Variants in STARD9 observed in about 807,000 individuals in gnomAD.
STARD9 encodes stAR-related lipid transfer protein 9.
In STARD9, 346 loss-of-function variants were observed where a neutral mutation model predicts 399.8. That is an observed-to-expected ratio of 0.87 (90% CI 0.79 to 0.95). The LOEUF is 0.95. Ranked by LOEUF, STARD9 falls within the 40% of genes least tolerant of loss-of-function variation. The pLI is 0.00. For missense variants in STARD9, 5,832 were observed against 5,667.5 expected (o/e 1.03, Z -0.93); for synonymous variants, 2,203 against 2,143.5 (o/e 1.03, Z -0.77).
At chr15:42,641,509 T>TC (rs1236516879) in intron 7 of STARD9, among the ~76,000 whole-genome samples, 2 of 134,720 alleles carry the variant, frequency 1.5e-5, no homozygotes, top group African/African-American at 5.4e-5. Context: ...ATGCTTTCCC[T>TC]CCCCCCACCC....
In STARD9 at chr15:42,716,538, C is replaced by T. The variant is rs114129956; in HGVS notation, c.13285-139C>T. 979 of 619,718 alleles carry T rather than the reference C, an allele frequency of 1.6e-3. 7 individuals are homozygous for T. In the African/African-American group the frequency reaches 0.017, roughly 11 times the overall value. 38.4% of individuals were successfully genotyped at this position (619,718 alleles called of 1,614,324 possible). A position where few individuals can be genotyped will look rare whatever the true frequency, so the allele number is the denominator to read the frequency against. On this transcript the variant is annotated intron_variant, in intron 26 of 32. Coordinates refer to ENST00000290607, the MANE Select transcript of STARD9 (RefSeq NM_020759.3). ...TGCTGTGGTCTTCTTTGGGGGACATCGAGCCTCTTGTATTCCCATCTGGGA... is the reference window on the plus strand; with the variant it reads ...TGCTGTGGTCTTCTTTGGGGGACATTGAGCCTCTTGTATTCCCATCTGGGA...
intron 3 of STARD9, among the ~76,000 whole-genome samples, chr15:42,607,863 C>A (rs1042305961): frequency 6.6e-6 from 1 of 152,000 alleles, no homozygotes; most frequent in Admixed American, 6.6e-5. Context: ...TTTGTCAGCT[C>A]CGTTAGGATT....
chr15:42,685,869 C>A lies in STARD9; in HGVS notation c.4291C>A (p.Leu1431Ile), dbSNP rs1210836626. The A allele has an allele frequency of 2.6e-6, 4 of 1,537,000 alleles. No individual in the cohort carries two copies. The highest frequency in any genetic ancestry group is 3.5e-6 in the Non-Finnish European group (4 of 1,146,926). ...GCTGTCTCTCTGGGGAATTCAAAGGCTTATTCAACCAGGAGCTGATGGCAC... is the reference window on the plus strand; with the variant it reads ...GCTGTCTCTCTGGGGAATTCAAAGGATTATTCAACCAGGAGCTGATGGCAC... ...SRLSLWGIQR[L>I]IQPGADGTFQ... Residue 1431 changes from leucine to isoleucine, a missense_variant, in exon 23 of 33, where the codon CTT (leucine) becomes ATT (isoleucine). Coordinates refer to ENST00000290607, the MANE Select transcript of STARD9 (RefSeq NM_020759.3).
chr15:42,695,954 C>G, intron 26 of STARD9, 74 bp downstream of exon 26: 1 of 1,453,110 alleles, frequency 6.9e-7, no homozygotes, highest in Admixed American at 2.4e-5. Flanking sequence ...GACGCTGTGC[C>G]TCCTGGAGTT....
chr15:42,675,727 TC>T lies in STARD9; in HGVS notation c.1753del (p.Leu585CysfsTer73). 1 of 1,537,110 alleles carries T rather than the reference TC, an allele frequency of 6.5e-7. No individual in the cohort carries two copies. The highest frequency in any genetic ancestry group is 8.7e-7 in the Non-Finnish European group (1 of 1,146,778). ...FRFNHPAEAAVLRQRRQVGEA... is the reference protein window; with the variant it reads ...FRFNHPAEAAXLRQRRQVGEA... ...TTCAACCACCCAGCAGAGGCTGCTG[TC>T]CTGCGGCAGCGAAGGCAGGTTAGCA... On this transcript the variant is annotated frameshift_variant, in exon 19 of 33. Transcript: ENST00000290607. LOFTEE classifies it high-confidence loss of function.
At chr15:42,674,360 A>C in intron 16 of STARD9, 80 bp from the exon 17 acceptor site, 1 of 1,118,026 alleles carries the variant, frequency 8.9e-7, no homozygotes, top group Non-Finnish European at 1.3e-6. Context: ...GACAGTGAGA[A>C]TATTCTAATG....
rs1207465294 is a variant in STARD9 at position 42,694,688 on chromosome 15, C to T, written c.12925C>T (p.Leu4309=). 6.5e-7 allele frequency: 1 copy of T among 1,537,182 alleles called. No individual in the cohort carries two copies. Among genetic ancestry groups the T allele is most frequent in the Admixed American group, 2.0e-5 (1 of 50,992 alleles). Residue 4309 remains leucine, a synonymous_variant, in exon 24 of 33, where the codon CTG becomes TTG. Coordinates refer to ENST00000290607, the MANE Select transcript of STARD9 (RefSeq NM_020759.3). ...CTTGCCCAGCAGACGCCGAGAATAC[C>T]TGCAGCAACTGAGGAAGGATGTTGT... ...LDLPSRRREY[L]QQLRKDVVET...
intron 26 of STARD9, among the ~76,000 whole-genome samples, chr15:42,699,548 C>T (rs1327150471): frequency 2.6e-5 from 4 of 151,502 alleles, no homozygotes; most frequent in Non-Finnish European, 4.4e-5. Flanking sequence ...TGCCCGCCAC[C>T]ACGCCCAGCT....
At chr15:42,669,466 G>A in intron 16 of STARD9, 129 bp downstream of exon 16, 1 of 849,972 alleles carries the variant, frequency 1.2e-6, no homozygotes, top group Non-Finnish European at 1.7e-6. Context: ...CTGCCTTCAG[G>A]TTTGCTCTCA....
In STARD9 at chr15:42,689,508, G is replaced by A. The variant is rs1438393735; in HGVS notation, c.7930G>A (p.Ala2644Thr). Residue 2644 changes from alanine (A) to threonine (T), a missense_variant, in exon 23 of 33, where the codon GCA becomes ACA. Physicochemically the swap from Ala to Thr is moderately conservative, Grantham distance 58 (BLOSUM62 0). Around this residue, in one of 2 missense-constraint regions of STARD9, gnomAD observed 5,828 missense variants for 5,651.1 expected, o/e 1.03. Coordinates refer to ENST00000290607, the MANE Select transcript of STARD9 (RefSeq NM_020759.3). ...ERKVQATSLS[A>T]DSFESLPNTE... The stretch of plus-strand genomic sequence containing the variant: ...GAAAGTCCAGGCCACATCTCTGTCT[G>A]CAGACAGCTTTGAATCTCTGCCCAA... 3 of 1,537,294 alleles carry A rather than the reference G, an allele frequency of 2.0e-6. No homozygotes were observed. The highest frequency in any genetic ancestry group is 1.7e-6 in the Non-Finnish European group (2 of 1,146,930).
chr15:42,679,710 A>G (rs1475887985), intron 20 of STARD9, among the ~76,000 whole-genome samples: 3 of 152,132 alleles, frequency 2.0e-5, no homozygotes, highest in Non-Finnish European at 2.9e-5. Flanking sequence ...TGCTGCAACT[A>G]CTCAATTTTG....
chr15:42,687,321 G>T lies in STARD9; in HGVS notation c.5743G>T (p.Ala1915Ser), dbSNP rs1260504291. ...GTCTCTCCTCTTTCGTGAATCTGAG[G>T]CACGAGAGGAAGAAGAGCTGGATCA... ...GKSLLFRESEAREEEELDQNT... is the reference protein window; with the variant it reads ...GKSLLFRESESREEEELDQNT... The change falls in exon 23 of 33, where the codon GCA (alanine) becomes TCA (serine). Residue 1915 changes from alanine (A) to serine (S), a missense_variant. Transcript: ENST00000290607. The T allele has an allele frequency of 2.4e-5, 37 of 1,536,780 alleles. No homozygotes were observed. The highest frequency in any genetic ancestry group is 3.0e-5 in the Non-Finnish European group (34 of 1,146,930).
At position 42,690,398 on chromosome 15, in the gene STARD9, C is replaced by A. The variant is rs1207396403; in HGVS notation, c.8820C>A (p.Leu2940=). 6.5e-7 allele frequency: 1 copy of A among 1,537,266 alleles called. No individual in the cohort carries two copies. Among genetic ancestry groups the A allele is most frequent in the South Asian group, 1.2e-5 (1 of 84,070 alleles). Reference sequence around the variant, plus strand: ...GGAACCCTGAAGGCAGCAGGACTCTCAGCCCGTCTAGAGGGAAAGAGAGCA... The same window carrying A: ...GGAACCCTGAAGGCAGCAGGACTCTAAGCCCGTCTAGAGGGAAAGAGAGCA... The part of the protein sequence containing the change: ...FSRNPEGSRT[L]SPSRGKESRT... Residue 2940 remains leucine, a synonymous_variant, in exon 23 of 33, where the codon CTC becomes CTA. Transcript: ENST00000290607.
Position 42,663,312 on chromosome 15 carries a change from G to A in STARD9, c.900G>A (p.Gln300=), listed in dbSNP as rs2060025409. 1 of 1,536,524 alleles carries A rather than the reference G, an allele frequency of 6.5e-7. No individual in the cohort carries two copies. Among genetic ancestry groups the A allele is most frequent in the East Asian group, 2.4e-5 (1 of 40,886 alleles). Residue 300 remains glutamine (Q), a synonymous_variant, in exon 12 of 33, where the codon CAG becomes CAA. Coordinates refer to ENST00000290607, the MANE Select transcript of STARD9 (RefSeq NM_020759.3). Reference sequence around the variant, plus strand: ...ACTCCCAAGTTTTCAGCAGCTGCCAGAGCCTCAACAGCTCAGTCAGCAATG... The same window carrying A: ...ACTCCCAAGTTTTCAGCAGCTGCCAAAGCCTCAACAGCTCAGTCAGCAATG... ...AQNSQVFSSC[Q]SLNSSVSNGG...
At chr15:42,713,543 C>T (rs1468607811) in intron 26 of STARD9, among the ~76,000 whole-genome samples, 2 of 152,108 alleles carry the variant, frequency 1.3e-5, no homozygotes, top group Non-Finnish European at 2.9e-5. Context: ...TATAGCTGAC[C>T]TTTATCAGGT....
At chr15:42,681,091 A>T (rs2060417733) in intron 20 of STARD9, among the ~76,000 whole-genome samples, 1 of 152,220 alleles carries the variant, frequency 6.6e-6, no homozygotes, top group African/African-American at 2.4e-5. Context: ...TTTTTAAAGG[A>T]CCAAACTTCT....
chr15:42,597,212 C>T (rs1399441934), intron 3 of STARD9, among the ~76,000 whole-genome samples: 1 of 152,158 alleles, frequency 6.6e-6, no homozygotes, highest in Non-Finnish European at 1.5e-5. Context: ...CCTCTTACCT[C>T]AGTCTCCCAT....
Position 42,661,182 on chromosome 15 carries a change from T to C in STARD9, c.727T>C (p.Ser243Pro). 1 of 1,536,990 alleles carries C rather than the reference T, an allele frequency of 6.5e-7. No individual in the cohort carries two copies. The highest frequency in any genetic ancestry group is 8.7e-7 in the Non-Finnish European group (1 of 1,146,702). ...GGCAATCCTGGAGAACAACCTCCCT[T>C]CTGAAATGGCTAGCAAGATCAACCT... ...TQAILENNLP[S>P]EMASKINLVD... The change falls in exon 10 of 33, where the codon TCT becomes CCT. Residue 243 changes from serine to proline, a missense_variant. This residue lies in a region of STARD9 where 5,828 missense variants were observed against 5,651.1 expected (regional missense o/e 1.03). Coordinates refer to ENST00000290607, the MANE Select transcript of STARD9 (RefSeq NM_020759.3).
intron 26 of STARD9, 104 bp from the exon 27 acceptor site, chr15:42,716,573 C>T: frequency 2.8e-6 from 2 of 721,856 alleles, no homozygotes; most frequent in South Asian, 3.3e-5. Flanking sequence ...AAGACCTTTG[C>T]AGTTGAGTCA....
Sources: allele counts gnomAD v4.1 joint callset (sites outside exome capture counted in the v4.1 genomes callset), GRCh38; gene constraint gnomAD v4.1.1; regional missense constraint gnomAD v4.1.1; transcripts MANE v1.5; gene names NCBI Gene and HGNC (gene_info 2026-07-23, HGNC 2026-07-21).